Variants in MAPK10 observed in about 807,000 individuals in gnomAD.
The protein encoded by MAPK10 is JNK3 alpha protein kinase.
MAPK10 carries 25 observed loss-of-function variants against 59.3 expected under a neutral mutation model. The observed-to-expected ratio is 0.42, with a 90% CI of 0.31 to 0.59. The LOEUF is 0.59. MAPK10 is among the 20% of genes least tolerant of loss of function. The probability of loss-of-function intolerance (pLI) is 0.15; values close to 1 mark genes in which losing one functional copy is unlikely to be tolerated. For synonymous variants in MAPK10, 190 were observed against 200.5 expected, an observed-to-expected ratio of 0.95 and a Z score of 0.44; for missense variants, 351 against 568.9, an observed-to-expected ratio of 0.62 and a Z score of 3.90.
chr4:86,209,196 A>G (rs1446219090), intron 2 of MAPK10, among the ~76,000 whole-genome samples: 1 of 152,138 alleles, frequency 6.6e-6, no homozygotes, highest in East Asian at 1.9e-4. Context: ...TATTCATGAA[A>G]GAAAATACAA....
At chr4:86,544,136 C>T (rs1758953896) in intron 1 of MAPK10, among the ~76,000 whole-genome samples, 1 of 152,074 alleles carries the variant, frequency 6.6e-6, no homozygotes, top group Admixed American at 6.6e-5. Flanking sequence ...ACAAAGAATG[C>T]CGGAGACAGG....
intron 1 of MAPK10, among the ~76,000 whole-genome samples, chr4:86,403,416 T>C (rs1189578831): frequency 6.6e-6 from 1 of 152,126 alleles, no homozygotes; most frequent in African/African-American, 2.4e-5. Context: ...CTCAGGAGGC[T>C]GAGGCATGAG....
At chr4:86,478,635 G>A (rs534121460) in intron 1 of MAPK10, among the ~76,000 whole-genome samples, 30 of 152,086 alleles carry the variant, frequency 2.0e-4, no homozygotes, top group Non-Finnish European at 3.1e-4. Context: ...TTCCTGGCCT[G>A]GACTTCAATC....
chr4:86,150,644 G>A (rs1581358280), intron 4 of MAPK10, among the ~76,000 whole-genome samples: 1 of 152,052 alleles, frequency 6.6e-6, no homozygotes. Flanking sequence ...GGCAGATCAC[G>A]AGGTCAGGAG....
chr4:86,367,608 C>T (rs1327307865), intron 1 of MAPK10, among the ~76,000 whole-genome samples: 1 of 152,104 alleles, frequency 6.6e-6, no homozygotes, highest in South Asian at 2.1e-4. Context: ...CATTTAATCC[C>T]TGTACCCTCA....
At chr4:86,550,300 T>C (rs891543663) in intron 1 of MAPK10, among the ~76,000 whole-genome samples, 14 of 147,590 alleles carry the variant, frequency 9.5e-5, no homozygotes, top group African/African-American at 3.5e-4. Context: ...AGGGCTAATT[T>C]GGCATTCAGT....
intron 2 of MAPK10, among the ~76,000 whole-genome samples, chr4:86,353,184 C>T (rs767533633): frequency 3.9e-5 from 6 of 152,100 alleles, no homozygotes; most frequent in Admixed American, 6.6e-5. Flanking sequence ...CTAGACCTAC[C>T]CATGTAATAG....
At chr4:86,163,898 A>C (rs370420260) in intron 3 of MAPK10, among the ~76,000 whole-genome samples, 1 of 152,186 alleles carries the variant, frequency 6.6e-6, no homozygotes, top group Non-Finnish European at 1.5e-5. Context: ...TTCAATTGCT[A>C]GCCTATAGCC....
At position 86,416,264 on chromosome 4, in the gene MAPK10, G is replaced by A. The variant is rs116612313; in HGVS notation, c.-122+36766C>T. 2.0e-3 allele frequency among the ~76,000 whole-genome samples: 300 copies of A among 152,294 alleles called. 2 individuals are homozygous for A. The highest frequency in any genetic ancestry group is 7.0e-3 in the African/African-American group (292 of 41,560). On this transcript the variant is annotated intron_variant, in intron 1 of 13. Coordinates refer to the MAPK10 transcript ENST00000361569. Reference sequence around the variant, plus strand: ...AGGCATCTGCAAGCCAAGGAGAGACGACTCACCAGATACCAACCCTTGGAT... The same window carrying A: ...AGGCATCTGCAAGCCAAGGAGAGACAACTCACCAGATACCAACCCTTGGAT...
intron 9 of MAPK10, among the ~76,000 whole-genome samples, chr4:86,092,051 C>T (rs1321411186): frequency 6.6e-6 from 1 of 152,002 alleles, no homozygotes; most frequent in East Asian, 1.9e-4. Context: ...CTGGGAGATA[C>T]TCCAATGTAA....
At chr4:86,128,483 TCTC>T (rs1022462176) in intron 4 of MAPK10, among the ~76,000 whole-genome samples, 5 of 152,060 alleles carry the variant, frequency 3.3e-5, no homozygotes, top group African/African-American at 9.7e-5. Context: ...CTCTCATTCT[TCTC>T]CTTTCTGCCA....
intron 4 of MAPK10, among the ~76,000 whole-genome samples, chr4:86,135,453 C>T (rs1320994779): frequency 6.6e-6 from 1 of 152,162 alleles, no homozygotes; most frequent in South Asian, 2.1e-4. Flanking sequence ...GCAGGGTACT[C>T]CAACAGACCT....
intron 2 of MAPK10, among the ~76,000 whole-genome samples, chr4:86,238,159 G>C (rs2092423898): frequency 2.0e-5 from 3 of 152,092 alleles, no homozygotes; most frequent in Non-Finnish European, 2.9e-5. Context: ...GGTTGTAGGT[G>C]TGTAGTGTTA....
chr4:86,559,089 TA>T (rs1565041080), intron 1 of MAPK10, among the ~76,000 whole-genome samples: 1 of 152,186 alleles, frequency 6.6e-6, no homozygotes, highest in African/African-American at 2.4e-5. Context: ...TAAACTTGCA[TA>T]TTTTTTTCCA....
rs560880845 is a variant in MAPK10, at chr4:86,478,895, C to T, written c.-263+115015G>A. 2.6e-5 allele frequency among the ~76,000 whole-genome samples: 4 copies of T among 152,304 alleles called. No individual in the cohort carries two copies. In the East Asian group the frequency reaches 7.7e-4, roughly 29 times the overall value. On this transcript the variant is annotated intron_variant, in intron 1 of 4. Transcript: ENST00000502302. ...TTCCTTTCCATCGTGGAAATCTATT[C>T]TCAAAGAAATAACTTCTCAGTCTTC...
chr4:86,137,468 G>T lies in MAPK10; in HGVS notation c.236+21830C>A, dbSNP rs1372946326. On this transcript the variant is annotated intron_variant, in intron 4 of 13. Transcript: ENST00000641462. ...ATAACGAAATGAAGGCAGAAATAAAGATGTTCTTTGAAACCAACGAGAACA... is the reference window on the plus strand; with the variant it reads ...ATAACGAAATGAAGGCAGAAATAAATATGTTCTTTGAAACCAACGAGAACA... Among the ~76,000 whole-genome samples the T allele has an allele frequency of 3.0e-5, 4 of 134,232 alleles. No individual in the cohort carries two copies. In the East Asian group the frequency reaches 8.3e-4, roughly 28 times the overall value. The allele number at this position is 134,232 out of a possible 152,430, so 88.1% of individuals were successfully genotyped here. A position where few individuals can be genotyped will look rare whatever the true frequency, so the allele number is the denominator to read the frequency against.
At chr4:86,442,866 G>A (rs762496855) in intron 1 of MAPK10, among the ~76,000 whole-genome samples, 3 of 152,060 alleles carry the variant, frequency 2.0e-5, no homozygotes, top group East Asian at 1.9e-4. Context: ...CCACTGAGCC[G>A]AACTCCATTT....
At chr4:86,302,795 T>C (rs2095494313) in intron 2 of MAPK10, among the ~76,000 whole-genome samples, 1 of 152,146 alleles carries the variant, frequency 6.6e-6, no homozygotes, top group Admixed American at 6.6e-5. Context: ...CAAAAACTAG[T>C]TCCTGAAAGT....
Position 86,064,302 on chromosome 4 carries a change from G to A in MAPK10, c.1074C>T (p.Tyr358=), listed in dbSNP as rs922722560. ...CGGCTGGGTCATACCAGACGTTGAT[G>A]TAGGGATGCTGTAAGGCGTCGTCCA... The part of the protein sequence containing the change: ...ISVDDALQHP[Y]INVWYDPAEV... Residue 358 remains tyrosine (Y), a synonymous_variant, in exon 11 of 14, where the codon TAC becomes TAT. Transcript: ENST00000641462. 7 of 1,614,066 alleles carry A rather than the reference G, an allele frequency of 4.3e-6. No homozygotes were observed. The highest frequency in any genetic ancestry group is 5.9e-6 in the Non-Finnish European group (7 of 1,180,036).
Sources: gnomAD v4.1 joint callset for allele counts (sites outside exome capture counted in the v4.1 genomes callset) on GRCh38, gnomAD v4.1.1 for gene constraint, MANE v1.5 for transcripts, NCBI Gene and HGNC (gene_info 2026-07-23, HGNC 2026-07-21) for gene names.